The following ADAMTS17 variants were observed in gnomAD, a reference collection of about 807,000 sequenced individuals.
ADAMTS17 encodes the protein ADAM metallopeptidase with thrombospondin type 1 motif 17, also known as A disintegrin and metalloproteinase with thrombospondin motifs 17.
A neutral mutation model predicts 141.5 loss-of-function variants in ADAMTS17; 113 were observed. The ratio of observed to expected loss-of-function variants is 0.80; its 90% confidence interval spans 0.69 to 0.93. The LOEUF is 0.93. Ranked by LOEUF, ADAMTS17 falls within the 40% of genes least tolerant of loss-of-function variation. The probability of loss-of-function intolerance (pLI) is 0.00; values close to 1 mark genes in which losing one functional copy is unlikely to be tolerated. For missense variants in ADAMTS17, 1,659 were observed against 1,517.9 expected, an observed-to-expected ratio of 1.09 and a Z score of -1.54; for synonymous variants, 768 against 630.6, an observed-to-expected ratio of 1.22 and a Z score of -3.27.
Position 100,073,002 on chromosome 15 carries a change from T to G in ADAMTS17, c.2138-18948A>C, listed in dbSNP as rs182026580. ...GCAACCTGCAGAATGGGAGAAAATT[T>G]TTGTAATCTACTCATCTGACAAAGG... On this transcript the variant is annotated intron_variant, in intron 15 of 21. Coordinates refer to ENST00000268070, the MANE Select transcript of ADAMTS17 (RefSeq NM_139057.4). 1.3e-3 allele frequency among the ~76,000 whole-genome samples: 203 copies of G among 152,262 alleles called. 1 individual carries two copies. The highest frequency in any genetic ancestry group is 4.8e-3 in the African/African-American group (198 of 41,534).
chr15:100,104,891 T>C (rs1295727628), intron 14 of ADAMTS17, among the ~76,000 whole-genome samples: 2 of 152,348 alleles, frequency 1.3e-5, no homozygotes, highest in African/African-American at 2.4e-5. Context: ...ATAAGTACTA[T>C]ATTTGAATTG....
rs762632633 is a variant in ADAMTS17, at chr15:100,199,452, T to C, written c.1076-29A>G. ...CAGCAGAGACACAAAACACATCCTC[T>C]TCAGAACGTGGGAGGCCCTGGTCTC... On this transcript the variant is annotated intron_variant, in intron 7 of 21. Transcript: ENST00000268070. The C allele has an allele frequency of 1.3e-5, 20 of 1,596,978 alleles. No individual in the cohort carries two copies. In the Admixed American group the frequency reaches 2.7e-4, roughly 21 times the overall value.
intron 7 of ADAMTS17, among the ~76,000 whole-genome samples, chr15:100,208,750 G>A (rs1034113332): frequency 1.9e-5 from 1 of 52,050 alleles, no homozygotes; most frequent in Non-Finnish European, 3.8e-5. Context: ...ACATGCATGT[G>A]AAATAGAAGG....
At chr15:100,161,350 T>C (rs59087203) in intron 8 of ADAMTS17, among the ~76,000 whole-genome samples, 3,102 of 152,200 alleles carry the variant, frequency 0.02, 164 homozygotes, top group East Asian at 0.19. Flanking sequence ...AGCTTTGGGA[T>C]TTTGATGTCA....
chr15:100,090,940 G>A (rs1004993949), intron 15 of ADAMTS17, among the ~76,000 whole-genome samples: 21 of 149,186 alleles, frequency 1.4e-4, no homozygotes, highest in African/African-American at 4.8e-4. Context: ...CCCGGGAGGC[G>A]GAGGTTGCAA....
intron 6 of ADAMTS17, among the ~76,000 whole-genome samples, chr15:100,257,703 C>G (rs1168423021): frequency 1.3e-5 from 2 of 152,220 alleles, no homozygotes; most frequent in African/African-American, 4.8e-5. Context: ...GGATCCCTCT[C>G]CTATGTGTTT....
rs185214687 is a variant in ADAMTS17, at chr15:99,987,214, G to A, written c.2949+5834C>T. ...AACAGCACCTTGGGGTGAAGTGAGA[G>A]GAGACTGCTTGGATGGGGATATCGA... On this transcript the variant is annotated intron_variant, in intron 20 of 21. Coordinates refer to ENST00000268070, the MANE Select transcript of ADAMTS17 (RefSeq NM_139057.4). Among the ~76,000 whole-genome samples the A allele has an allele frequency of 3.1e-3, 471 of 152,332 alleles. 2 individuals are homozygous for A. Among genetic ancestry groups the A allele is most frequent in the African/African-American group, 0.011 (440 of 41,584 alleles).
intron 15 of ADAMTS17, among the ~76,000 whole-genome samples, chr15:100,089,675 C>T (rs2035328740): frequency 6.6e-6 from 1 of 151,898 alleles, no homozygotes. Context: ...AGTTCATGTC[C>T]TTTGTAGGGA....
intron 10 of ADAMTS17, among the ~76,000 whole-genome samples, chr15:100,136,781 T>C (rs911113594): frequency 2.0e-5 from 3 of 152,214 alleles, no homozygotes; most frequent in African/African-American, 7.2e-5. Context: ...TATTCTCAGA[T>C]TGCAAAGCAA....
At chr15:100,153,783 T>C (rs2039301616) in intron 9 of ADAMTS17, among the ~76,000 whole-genome samples, 1 of 152,214 alleles carries the variant, frequency 6.6e-6, no homozygotes, top group African/African-American at 2.4e-5. Context: ...GCCAAGATTC[T>C]TAAGGAAAGA....
At chr15:100,059,753 C>A (rs965278415) in intron 15 of ADAMTS17, among the ~76,000 whole-genome samples, 8 of 152,216 alleles carry the variant, frequency 5.3e-5, no homozygotes, top group African/African-American at 1.4e-4. Flanking sequence ...GGGTTGCTCT[C>A]CTGCCTTGCG....
At chr15:100,275,778 G>A (rs559012032) in intron 4 of ADAMTS17, among the ~76,000 whole-genome samples, 2 of 151,864 alleles carry the variant, frequency 1.3e-5, no homozygotes, top group East Asian at 4.0e-4. Flanking sequence ...TTCCCTTGGG[G>A]CCAGTGGCTG....
chr15:99,992,122 T>C (rs1481727091), intron 20 of ADAMTS17, among the ~76,000 whole-genome samples: 1 of 152,074 alleles, frequency 6.6e-6, no homozygotes, highest in Non-Finnish European at 1.5e-5. Context: ...CAAACCACCA[T>C]GACACATGTA....
At chr15:100,009,468 T>C (rs1189430026) in intron 18 of ADAMTS17, among the ~76,000 whole-genome samples, 1 of 152,192 alleles carries the variant, frequency 6.6e-6, no homozygotes, top group African/African-American at 2.4e-5. Flanking sequence ...ACTCAAGTCC[T>C]CACCCCACTG....
intron 4 of ADAMTS17, among the ~76,000 whole-genome samples, chr15:100,274,558 C>A (rs1326044683): frequency 2.0e-5 from 3 of 152,144 alleles, no homozygotes; most frequent in Non-Finnish European, 4.4e-5. Context: ...TGTGTCTGAT[C>A]TACAGTAAGT....
At chr15:100,011,752 T>C (rs2061188066) in intron 18 of ADAMTS17, among the ~76,000 whole-genome samples, 1 of 152,224 alleles carries the variant, frequency 6.6e-6, no homozygotes, top group Admixed American at 6.5e-5. Flanking sequence ...GGCCAAGTAG[T>C]ATTCCATCAT....
At chr15:99,988,649 AT>A (rs1213382010) in intron 20 of ADAMTS17, among the ~76,000 whole-genome samples, 1 of 152,228 alleles carries the variant, frequency 6.6e-6, no homozygotes, top group Non-Finnish European at 1.5e-5. Flanking sequence ...AGTGACTCCA[AT>A]ACCTCACTCT....
intron 15 of ADAMTS17, among the ~76,000 whole-genome samples, chr15:100,092,676 G>A (rs932573611): frequency 1.7e-4 from 26 of 152,140 alleles, no homozygotes; most frequent in African/African-American, 4.3e-4. Flanking sequence ...GGCTCTAGAG[G>A]TAATTACTGA....
intron 8 of ADAMTS17, among the ~76,000 whole-genome samples, chr15:100,165,578 C>T (rs1283071581): frequency 6.6e-6 from 1 of 152,168 alleles, no homozygotes; most frequent in Admixed American, 6.5e-5. Flanking sequence ...GGCCTTATGA[C>T]TTGAATAGAC....
Sources: allele counts gnomAD v4.1 joint callset (sites outside exome capture counted in the v4.1 genomes callset), GRCh38; gene constraint gnomAD v4.1.1; transcripts MANE v1.5; gene names NCBI Gene and HGNC (gene_info 2026-07-23, HGNC 2026-07-21).